OTOF: variants seen among roughly 807,000 people sequenced by gnomAD.
OTOF encodes fer-1-like family member 2.
Under a neutral mutation model 236.8 loss-of-function variants are expected in OTOF, and 218 were observed. The ratio of observed to expected loss-of-function variants is 0.92; its 90% confidence interval spans 0.82 to 1.03. The LOEUF is 1.03. Ranked by LOEUF, OTOF falls within the 50% of genes least tolerant of loss-of-function variation. The pLI is 0.00. For missense variants in OTOF, 2,590 were observed against 2,694.4 expected (o/e 0.96, Z 0.86); for synonymous variants, 1,041 against 1,072.5 (o/e 0.97, Z 0.57).
Position 26,464,762 on chromosome 2 carries a change from G to A in OTOF, c.4960+107C>T. ...GTCACTAAGACCAGGTTTAGGCTGA[G>A]GACACCCCAGGCTAGGCTGTGAGGT... is the stretch of plus-strand genomic sequence containing the variant. On this transcript the variant is annotated intron_variant, in intron 39 of 46. Transcript: ENST00000272371. The A allele has an allele frequency of 3.5e-6, 4 of 1,129,350 alleles. No homozygotes were observed. The South Asian group carries it at 6.8e-5, about 19-fold the overall frequency. 70.0% of individuals were successfully genotyped at this position (1,129,350 alleles called of 1,614,324 possible). A position where few individuals can be genotyped will look rare whatever the true frequency, so the allele number is the denominator to read the frequency against.
At chr2:26,531,798 A>G (rs1255876790) in intron 2 of OTOF, among the ~76,000 whole-genome samples, 1 of 152,046 alleles carries the variant, frequency 6.6e-6, no homozygotes, top group Non-Finnish European at 1.5e-5. Context: ...GAGCTATTAG[A>G]TTGAAGGAAA....
At chr2:26,511,810 T>C (rs1041468120) in intron 5 of OTOF, among the ~76,000 whole-genome samples, 1 of 152,188 alleles carries the variant, frequency 6.6e-6, no homozygotes, top group Middle Eastern at 3.2e-3. Flanking sequence ...CTGCTGCAAC[T>C]CTGGGGCTCA....
chr2:26,481,088 C>T, intron 14 of OTOF, 79 bp from the exon 15 acceptor site: 3 of 1,040,682 alleles, frequency 2.9e-6, no homozygotes, highest in Non-Finnish European at 4.4e-6. Context: ...TTTGGGGGTC[C>T]CTGGCCTCCA....
rs148032363 is a variant in OTOF, at chr2:26,477,676, A to T, written c.2288T>A (p.Val763Asp). 2 of 1,612,368 alleles carry T rather than the reference A, an allele frequency of 1.2e-6. No individual in the cohort carries two copies. ...GCAGCCACAGCTCAGCTCCTCCAGG[A>T]CGCCCCGCAGGCGACGCTCAGGGTA... The part of the protein sequence containing the change: ...KSYPERRLRG[V>D]LEELSCGCCR... The change falls in exon 19 of 47, where the codon GTC (valine) becomes GAC (aspartate). Residue 763 changes from valine to aspartate, a missense_variant. Physicochemically the swap from Val to Asp is radical, Grantham distance 152. Coordinates refer to ENST00000272371, the MANE Select transcript of OTOF (RefSeq NM_194248.3). This position sits in a 1 kb window ranked among gnomAD's most constrained non-coding sequence, Gnocchi z 4.7.
intron 1 of OTOF, among the ~76,000 whole-genome samples, chr2:26,554,924 G>T (rs1056867050): frequency 6.6e-6 from 1 of 152,196 alleles, no homozygotes; most frequent in African/African-American, 2.4e-5. Context: ...CAAACCTCAT[G>T]TCTTGGCAAG....
At chr2:26,463,750 A>AC (rs1664594721) in intron 40 of OTOF, among the ~76,000 whole-genome samples, 179 bp from the exon 41 acceptor site, 2 of 152,200 alleles carry the variant, frequency 1.3e-5, no homozygotes, top group Admixed American at 1.3e-4. Flanking sequence ...GAGGGAGACA[A>AC]CCCAGGTCTC....
rs766753217 is a variant in OTOF at position 26,461,658 on chromosome 2, T to G, written c.5533+38A>C. On this transcript the variant is annotated intron_variant, in intron 43 of 46. Coordinates refer to ENST00000272371, the MANE Select transcript of OTOF (RefSeq NM_194248.3). This position sits in a 1 kb window ranked among gnomAD's most constrained non-coding sequence, Gnocchi z 6.2. ...AACCCGGCCCCTGCCTCTTCTCAGTTCTGGATCCTGAACCCCCATCCCTGC... is the reference window on the plus strand; with the variant it reads ...AACCCGGCCCCTGCCTCTTCTCAGTGCTGGATCCTGAACCCCCATCCCTGC... 2 of 1,611,968 alleles carry G rather than the reference T, an allele frequency of 1.2e-6. No individual in the cohort carries two copies. Among genetic ancestry groups the G allele is most frequent in the Admixed American group, 3.3e-5 (2 of 60,026 alleles).
At chr2:26,483,395 AC>A in intron 13 of OTOF, 66 bp downstream of exon 13, 1 of 1,445,078 alleles carries the variant, frequency 6.9e-7, no homozygotes, top group Non-Finnish European at 9.7e-7. Context: ...CAGGCCCCAC[AC>A]CCATCAGCCT....
intron 8 of OTOF, among the ~76,000 whole-genome samples, chr2:26,497,552 A>G (rs576833797): frequency 2.8e-4 from 42 of 152,380 alleles, no homozygotes; most frequent in African/African-American, 1.0e-3. Context: ...ATGATCATCC[A>G]GTGTCCATCA....
At position 26,473,924 on chromosome 2, in the gene OTOF, G is replaced by A. The variant is rs2148043188; in HGVS notation, c.3408+67C>T. On this transcript the variant is annotated intron_variant, in intron 27 of 46. Coordinates refer to ENST00000272371, the MANE Select transcript of OTOF (RefSeq NM_194248.3). This position sits in a 1 kb window ranked among gnomAD's most constrained non-coding sequence, Gnocchi z 7.2. ...GATGGTGGTGGGAGGGGGATGACAA[G>A]CCACTTCCCCTCCTGGGTCCTCAGA... The A allele has an allele frequency of 1.3e-6, 2 of 1,593,526 alleles. No homozygotes were observed. The highest frequency in any genetic ancestry group is 1.7e-6 in the Non-Finnish European group (2 of 1,162,838).
At chr2:26,494,441 A>G (rs1408325428) in intron 9 of OTOF, among the ~76,000 whole-genome samples, 1 of 152,266 alleles carries the variant, frequency 6.6e-6, no homozygotes, top group Non-Finnish European at 1.5e-5. Flanking sequence ...AGGTTGGACA[A>G]GGTCTGCCTT....
At position 26,516,439 on chromosome 2, in the gene OTOF, G is replaced by T; in HGVS notation, c.488C>A (p.Pro163Gln). 1 of 1,613,784 alleles carries T rather than the reference G, an allele frequency of 6.2e-7. No homozygotes were observed. Among genetic ancestry groups the T allele is most frequent in the Non-Finnish European group, 8.5e-7 (1 of 1,179,892 alleles). The part of the protein sequence containing the change: ...LPGSRPSSRP[P>Q]GEKSFRRAGR... ...TTACCTCCGGAAGCTCTTCTCTCCTGGGGGCCGGGAGCTGGGCCGGGAGCC... is the reference window on the plus strand; with the variant it reads ...TTACCTCCGGAAGCTCTTCTCTCCTTGGGGCCGGGAGCTGGGCCGGGAGCC... Residue 163 changes from proline to glutamine, a missense_variant, in exon 5 of 47, where the codon CCA (proline) becomes CAA (glutamine). Physicochemically the swap from Pro to Gln is moderately conservative, Grantham distance 76 (BLOSUM62 -1). Around this residue, in one of 2 missense-constraint regions of OTOF, gnomAD observed 1,379 missense variants for 1,341.6 expected, o/e 1.03. Transcript: ENST00000272371.
At chr2:26,549,682 C>T (rs1057371225) in intron 1 of OTOF, among the ~76,000 whole-genome samples, 2 of 152,212 alleles carry the variant, frequency 1.3e-5, no homozygotes, top group Non-Finnish European at 2.9e-5. Context: ...GAAACTTAGG[C>T]TTGGGTCAGG....
In OTOF at chr2:26,458,129, T is replaced by C. The variant is rs1351880918; in HGVS notation, c.*109A>G. The C allele has an allele frequency of 1.9e-6, 3 of 1,613,886 alleles. No individual in the cohort carries two copies. Among genetic ancestry groups the C allele is most frequent in the Non-Finnish European group, 2.5e-6 (3 of 1,179,974 alleles). ...AGCAGCCCCAACAGCGCCAGCACGA[T>C]CTTGATGATGAGCCACTTGTACCGG... On this transcript the variant is annotated 3_prime_UTR_variant, in exon 47 of 47. Transcript: ENST00000272371.
At chr2:26,493,242 C>A (rs1041007124) in intron 9 of OTOF, among the ~76,000 whole-genome samples, 5 of 152,128 alleles carry the variant, frequency 3.3e-5, no homozygotes, top group Admixed American at 6.5e-5. Flanking sequence ...GAGAGTTCGG[C>A]CAGGCCTGGG....
chr2:26,504,540 A>G (rs34593832), intron 5 of OTOF, among the ~76,000 whole-genome samples: 87,796 of 152,006 alleles, frequency 0.58, 25,777 homozygotes, highest in East Asian at 0.88. Flanking sequence ...TCTCACTGCC[A>G]AATTCCCCTT....
At chr2:26,507,803 C>G (rs1443037548) in intron 5 of OTOF, among the ~76,000 whole-genome samples, 2 of 152,108 alleles carry the variant, frequency 1.3e-5, no homozygotes, top group African/African-American at 4.8e-5. Context: ...TCACCATGGT[C>G]AGAATGAAAT....
At chr2:26,503,983 C>G in intron 5 of OTOF, 138 bp from the exon 6 acceptor site, 1 of 761,856 alleles carries the variant, frequency 1.3e-6, no homozygotes, top group South Asian at 1.5e-5. Flanking sequence ...GGTCCCGAGA[C>G]AGATCGGGAT....
In OTOF at chr2:26,495,716, G is replaced by A. The variant is rs183316288; in HGVS notation, c.766-643C>T. On this transcript the variant is annotated intron_variant, in intron 8 of 46. Transcript: ENST00000272371. ...GCTGGAATTACAGGCATGAGCCACCGTGCCCAGGCTGGAATCTGTATTTTT... is the reference window on the plus strand; with the variant it reads ...GCTGGAATTACAGGCATGAGCCACCATGCCCAGGCTGGAATCTGTATTTTT... 2.7e-3 allele frequency among the ~76,000 whole-genome samples: 412 copies of A among 152,004 alleles called. 2 individuals are homozygous for A. The highest frequency in any genetic ancestry group is 9.4e-3 in the African/African-American group (391 of 41,436).
Sources: allele counts gnomAD v4.1 joint callset (sites outside exome capture counted in the v4.1 genomes callset), GRCh38; gene constraint gnomAD v4.1.1; regional missense constraint gnomAD v4.1.1; non-coding constraint Gnocchi (gnomAD v3.1); transcripts MANE v1.5; gene names NCBI Gene and HGNC (gene_info 2026-07-23, HGNC 2026-07-21).